Variants in ACOXL observed in about 807,000 individuals in gnomAD.
ACOXL encodes the protein acyl-CoA oxidase like.
In ACOXL, 70 loss-of-function variants were observed where a neutral mutation model predicts 71.9. That is an observed-to-expected ratio of 0.97 (90% CI 0.80 to 1.19). The LOEUF is 1.19. Ranked by LOEUF, ACOXL falls within the 50% of genes most tolerant of loss-of-function variation. The probability of loss-of-function intolerance (pLI) is 0.00; values close to 1 mark genes in which losing one functional copy is unlikely to be tolerated. For synonymous variants in ACOXL, 253 were observed against 281.6 expected, an observed-to-expected ratio of 0.90 and a Z score of 1.02; for missense variants, 703 against 736.3, an observed-to-expected ratio of 0.95 and a Z score of 0.52.
At chr2:111,011,248 G>A (rs1399572639) in intron 14 of ACOXL, among the ~76,000 whole-genome samples, 1 of 151,942 alleles carries the variant, frequency 6.6e-6, no homozygotes, top group African/African-American at 2.4e-5. Context: ...GACTGTTATA[G>A]GTAAAGACTA....
intron 10 of ACOXL, among the ~76,000 whole-genome samples, chr2:110,882,488 AT>A (rs997739048): frequency 1.6e-4 from 24 of 151,810 alleles, no homozygotes; most frequent in Admixed American, 1.4e-3. Context: ...CCAACATATT[AT>A]TTTTTTTCTT....
At chr2:110,974,205 T>C (rs992158407) in intron 12 of ACOXL, among the ~76,000 whole-genome samples, 72 of 152,210 alleles carry the variant, frequency 4.7e-4, no homozygotes, top group African/African-American at 1.7e-3. Flanking sequence ...GATGGAAATT[T>C]CAGGAGACAC....
chr2:111,003,606 TC>T (rs1371002076), intron 14 of ACOXL, among the ~76,000 whole-genome samples: 1 of 144,748 alleles, frequency 6.9e-6, no homozygotes, highest in Admixed American at 7.0e-5. Flanking sequence ...TTTTACCACT[TC>T]CGAGCTTCAG....
At chr2:110,945,858 GT>G (rs551676861) in intron 12 of ACOXL, among the ~76,000 whole-genome samples, 54 of 147,884 alleles carry the variant, frequency 3.7e-4, no homozygotes, top group South Asian at 3.0e-3. Flanking sequence ...TTTTAAACTA[GT>G]TTTTTTTTTT....
intron 11 of ACOXL, among the ~76,000 whole-genome samples, chr2:110,911,922 C>T (rs1033380416): frequency 3.3e-5 from 5 of 152,028 alleles, no homozygotes; most frequent in South Asian, 4.1e-4. Flanking sequence ...AGTAAGCTAT[C>T]CCTATTTGCA....
chr2:110,943,151 A>G (rs2060946259), intron 12 of ACOXL, among the ~76,000 whole-genome samples: 1 of 107,248 alleles, frequency 9.3e-6, no homozygotes, highest in Non-Finnish European at 2.2e-5. Context: ...AGGAAGAAAG[A>G]GAAAGAAAAA....
intron 5 of ACOXL, among the ~76,000 whole-genome samples, chr2:110,795,159 T>C (rs1323791282): frequency 6.6e-6 from 1 of 152,214 alleles, no homozygotes; most frequent in Non-Finnish European, 1.5e-5. Flanking sequence ...CTGCTTCGTC[T>C]ATTCTTTATT....
intron 10 of ACOXL, among the ~76,000 whole-genome samples, chr2:110,869,225 C>T (rs1040936435): frequency 5.3e-5 from 8 of 152,244 alleles, no homozygotes; most frequent in Admixed American, 2.0e-4. Flanking sequence ...TGGGGCCCAC[C>T]GGCATTGTGA....
At chr2:110,992,094 C>T (rs937998847) in intron 13 of ACOXL, among the ~76,000 whole-genome samples, 2 of 152,206 alleles carry the variant, frequency 1.3e-5, no homozygotes, top group African/African-American at 4.8e-5. Context: ...ACGCTCTCAC[C>T]CATATGCAAA....
intron 10 of ACOXL, among the ~76,000 whole-genome samples, chr2:110,855,686 T>G (rs796144190): frequency 1.1e-4 from 17 of 152,290 alleles, no homozygotes; most frequent in African/African-American, 4.1e-4. Flanking sequence ...CAGAAACAAT[T>G]TATTAGTTTT....
At chr2:110,992,420 C>A (rs2063212880) in intron 13 of ACOXL, among the ~76,000 whole-genome samples, 1 of 152,216 alleles carries the variant, frequency 6.6e-6, no homozygotes, top group Admixed American at 6.5e-5. Context: ...GCTCTGTCTT[C>A]ATGGAGTCTG....
At chr2:110,844,878 G>A (rs1326581141) in intron 10 of ACOXL, among the ~76,000 whole-genome samples, 1 of 151,936 alleles carries the variant, frequency 6.6e-6, no homozygotes, top group African/African-American at 2.4e-5. Flanking sequence ...CTTACACCTA[G>A]CCTGGCCACC....
chr2:111,023,430 T>A (rs1426765541), intron 14 of ACOXL, among the ~76,000 whole-genome samples: 1 of 152,178 alleles, frequency 6.6e-6, no homozygotes, highest in Non-Finnish European at 1.5e-5. Context: ...CTCAGGTTTC[T>A]GCTCATCCTG....
At chr2:110,974,361 C>T (rs548227012) in intron 12 of ACOXL, among the ~76,000 whole-genome samples, 15 of 152,330 alleles carry the variant, frequency 9.8e-5, no homozygotes, top group African/African-American at 3.1e-4. Flanking sequence ...GGCATTTCTG[C>T]AGGCTTTACA....
chr2:110,733,934 T>C (rs1676513599), intron 1 of ACOXL, among the ~76,000 whole-genome samples: 1 of 152,150 alleles, frequency 6.6e-6, no homozygotes, highest in Non-Finnish European at 1.5e-5. Flanking sequence ...GTTATTAGCT[T>C]TTTCACTCTC....
At chr2:111,064,445 A>C (rs1313237453) in intron 16 of ACOXL, among the ~76,000 whole-genome samples, 1 of 147,856 alleles carries the variant, frequency 6.8e-6, no homozygotes, top group Non-Finnish European at 1.5e-5. Context: ...CAAAAAAAAA[A>C]CAAAAAAAAA....
chr2:111,008,858 C>T (rs1374280004), intron 14 of ACOXL, among the ~76,000 whole-genome samples: 3 of 152,136 alleles, frequency 2.0e-5, no homozygotes, highest in Non-Finnish European at 2.9e-5. Context: ...TGCTTTTGAG[C>T]AGTTTTTCAT....
chr2:110,830,289 A>G (rs1689662584), intron 9 of ACOXL, among the ~76,000 whole-genome samples: 1 of 152,206 alleles, frequency 6.6e-6, no homozygotes, highest in East Asian at 1.9e-4. Flanking sequence ...CTATGTAATT[A>G]TATAAATAAT....
chr2:110,805,747 G>A lies in ACOXL; in HGVS notation c.753+352G>A, dbSNP rs182176162. On this transcript the variant is annotated intron_variant, in intron 9 of 17. Coordinates refer to ENST00000439055, the MANE Select transcript of ACOXL (RefSeq NM_001142807.4). ...GGGTTGGCCCATGTGGGCAAAGGTCGGCATGTCTTGGCTGAATTCACCTGG... is the reference window on the plus strand; with the variant it reads ...GGGTTGGCCCATGTGGGCAAAGGTCAGCATGTCTTGGCTGAATTCACCTGG... Among the ~76,000 whole-genome samples the A allele has an allele frequency of 2.1e-4, 32 of 152,340 alleles. No individual in the cohort carries two copies. In the East Asian group the frequency reaches 5.8e-3, roughly 28 times the overall value.
Sources: gnomAD v4.1 joint callset for allele counts (sites outside exome capture counted in the v4.1 genomes callset) on GRCh38, gnomAD v4.1.1 for gene constraint, MANE v1.5 for transcripts, NCBI Gene and HGNC (gene_info 2026-07-23, HGNC 2026-07-21) for gene names.